The following TMEM165 variants were observed in gnomAD, a reference collection of about 807,000 sequenced individuals.
TMEM165 encodes putative divalent cation/proton antiporter TMEM165.
TMEM165 carries 19 observed loss-of-function variants against 30.0 expected under a neutral mutation model. That is an observed-to-expected ratio of 0.63 (90% CI 0.44 to 0.93). The LOEUF (loss-of-function observed/expected upper bound fraction) is 0.93, where lower values mean the gene tolerates loss of function less well. Among genes scored for constraint, TMEM165 ranks in the 40% least tolerant of loss-of-function variants. TMEM165 has a pLI of 0.00. For missense variants in TMEM165, 340 were observed against 417.0 expected, an observed-to-expected ratio of 0.82 and a Z score of 1.61; for synonymous variants, 168 against 162.9, an observed-to-expected ratio of 1.03 and a Z score of -0.24.
chr4:55,446,965 A>G (rs894928006), intron 3 of TMEM165, among the ~76,000 whole-genome samples: 1 of 152,218 alleles, frequency 6.6e-6, no homozygotes, highest in African/African-American at 2.4e-5. Context: ...GAAATTAACA[A>G]TAACCAGACC....
chr4:55,442,534 G>C, intron 3 of TMEM165: 1 of 1,610,672 alleles, frequency 6.2e-7, no homozygotes, highest in South Asian at 1.1e-5. Flanking sequence ...TGCAGGCTGA[G>C]AAATCACCAT....
intron 4 of TMEM165, among the ~76,000 whole-genome samples, chr4:55,420,163 A>C (rs1721916530): frequency 7.8e-6 from 1 of 128,614 alleles, no homozygotes; most frequent in African/African-American, 2.7e-5. Context: ...TATTTATTTA[A>C]TGGCTGTACC....
chr4:55,448,595 C>CGTGT (rs1491431615), intron 3 of TMEM165, among the ~76,000 whole-genome samples: 1 of 33,246 alleles, frequency 3.0e-5, no homozygotes. Flanking sequence ...CGCGCGCGCA[C>CGTGT]GCGCGCGTGT....
intron 3 of TMEM165, chr4:55,435,586 C>T (rs1722812405): frequency 6.2e-7 from 1 of 1,613,796 alleles, no homozygotes; most frequent in Non-Finnish European, 8.5e-7. Flanking sequence ...CATGGAGCAA[C>T]CTAGAAGTCT....
intron 3 of TMEM165, chr4:55,444,805 A>G (rs943832535): frequency 3.1e-6 from 5 of 1,612,082 alleles, no homozygotes; most frequent in Non-Finnish European, 3.4e-6. Context: ...CATGTACGGA[A>G]AAAGTGTAAT....
At chr4:55,444,492 G>T in intron 3 of TMEM165, 1 of 948,268 alleles carries the variant, frequency 1.1e-6, no homozygotes, top group Non-Finnish European at 1.7e-6. Context: ...ATCATACTGA[G>T]TAGGTAACCA....
At chr4:55,441,742 G>T (rs1042662447) in intron 3 of TMEM165, among the ~76,000 whole-genome samples, 1 of 151,844 alleles carries the variant, frequency 6.6e-6, no homozygotes, top group African/African-American at 2.4e-5. Flanking sequence ...TGGGGGTGAG[G>T]GATAAAAAAC....
At position 55,424,477 on chromosome 4, in the gene TMEM165, T is replaced by C. The variant is rs868395713; in HGVS notation, c.793-61T>C. ...CATTTTTAGTGCTTCTGAATTGTTATGGTTCTCAAGCAGCAGTTGTCACCT... is the reference window on the plus strand; with the variant it reads ...CATTTTTAGTGCTTCTGAATTGTTACGGTTCTCAAGCAGCAGTTGTCACCT... On this transcript the variant is annotated intron_variant, in intron 4 of 5. Coordinates refer to ENST00000381334, the MANE Select transcript of TMEM165 (RefSeq NM_018475.5). 9.2e-5 allele frequency: 91 copies of C among 985,892 alleles called. 1 individual carries two copies. The African/African-American group carries it at 1.3e-3, about 14-fold the overall frequency. The allele number at this position is 985,892 out of a possible 1,614,324, so 61.1% of individuals were successfully genotyped here. A position where few individuals can be genotyped will look rare whatever the true frequency, so the allele number is the denominator to read the frequency against.
chr4:55,418,261 T>G, intron 4 of TMEM165: 1 of 319,220 alleles, frequency 3.1e-6, no homozygotes, highest in Non-Finnish European at 5.7e-6. Flanking sequence ...TCATCTTAGC[T>G]TGGTTTTCTT....
downstream of TMEM165, among the ~76,000 whole-genome samples, chr4:55,427,405 C>T (rs1354542017): frequency 2.0e-5 from 3 of 147,628 alleles, no homozygotes; most frequent in Non-Finnish European, 4.5e-5. Context: ...TGCAGTGGCG[C>T]AATCTCGGCT....
intron 3 of TMEM165, chr4:55,448,769 C>A (rs1560421604): frequency 6.2e-7 from 1 of 1,611,390 alleles, no homozygotes; most frequent in East Asian, 2.2e-5. Context: ...AAACAAAAAC[C>A]AAAAAGTACC....
rs1415717554 is a variant in TMEM165 at position 55,412,715 on chromosome 4, A to C, written c.433+876A>C. ...ATTTCTTTCTTCCTTGTCCACCCCC[A>C]CTGCTTCACTTTATGAGCCTAAAGA... On this transcript the variant is annotated intron_variant, in intron 2 of 5. Transcript: ENST00000381334. The C allele has an allele frequency of 3.3e-5, 5 of 151,900 alleles. No homozygotes were observed. The East Asian group carries it at 7.7e-4, about 23-fold the overall frequency. The allele number at this position is 151,900 out of a possible 1,614,324, so 9.4% of individuals were successfully genotyped here.
At chr4:55,435,439 G>T in intron 3 of TMEM165, 1 of 1,613,994 alleles carries the variant, frequency 6.2e-7, no homozygotes, top group Non-Finnish European at 8.5e-7. Context: ...CCTTGGAAGG[G>T]TCGGGCAAGC....
At chr4:55,449,771 A>C (rs559130218) in intron 3 of TMEM165, among the ~76,000 whole-genome samples, 46 of 152,114 alleles carry the variant, frequency 3.0e-4, no homozygotes, top group African/African-American at 8.9e-4. Flanking sequence ...ACAATAAAAA[A>C]CTTTCAAAAA....
intron 3 of TMEM165, among the ~76,000 whole-genome samples, chr4:55,445,284 A>G (rs1723717360): frequency 6.6e-6 from 1 of 152,098 alleles, no homozygotes; most frequent in African/African-American, 2.4e-5. Flanking sequence ...CTGCCCCGGC[A>G]GGTGGCTTTC....
chr4:55,416,881 G>T, intron 2 of TMEM165, 191 bp from the exon 3 acceptor site: 3 of 489,348 alleles, frequency 6.1e-6, no homozygotes, highest in South Asian at 6.2e-5. Context: ...TGTTAGGCCT[G>T]GGCTAGACCT....
downstream of TMEM165, among the ~76,000 whole-genome samples, chr4:55,427,489 CCCG>C (rs1433278356): frequency 4.0e-5 from 6 of 150,966 alleles, no homozygotes; most frequent in East Asian, 1.2e-3. Context: ...ATTATAGGTG[CCCG>C]CCACCACGCC....
rs764580117 is a variant in TMEM165, at chr4:55,449,532, TATAAA to T, written c.409-2703_409-2699del. 4 of 1,496,298 alleles carry T rather than the reference TATAAA, an allele frequency of 2.7e-6. No homozygotes were observed. The South Asian group carries it at 3.4e-5, about 13-fold the overall frequency. The allele number at this position is 1,496,298 out of a possible 1,614,324, so 92.7% of individuals were successfully genotyped here. A position where few individuals can be genotyped will look rare whatever the true frequency, so the allele number is the denominator to read the frequency against. On this transcript the variant is annotated intron_variant, in intron 3 of 3. Coordinates refer to the TMEM165 transcript ENST00000608091. Reference sequence around the variant, plus strand: ...CAAAATCAGAAGAGCATTAGTACTTTATAAAATATAGTTTTTAAAGATTAATCTCA... The same window carrying T: ...CAAAATCAGAAGAGCATTAGTACTTTATATAGTTTTTAAAGATTAATCTCA...
intron 2 of TMEM165, 21 bp downstream of exon 2, chr4:55,411,860 C>G (rs757935127): frequency 1.2e-6 from 2 of 1,607,240 alleles, no homozygotes; most frequent in Non-Finnish European, 1.7e-6. Flanking sequence ...TTTTCCCTCT[C>G]ATGAGTTCGC....
Sources: gnomAD v4.1 joint callset for allele counts (sites outside exome capture counted in the v4.1 genomes callset) on GRCh38, gnomAD v4.1.1 for gene constraint, MANE v1.5 for transcripts, NCBI Gene and HGNC (gene_info 2026-07-23, HGNC 2026-07-21) for gene names.